RSPRY1: variants seen among roughly 807,000 people sequenced by gnomAD.
The protein encoded by RSPRY1 is RING finger and SPRY domain-containing protein 1.
Under a neutral mutation model 73.1 loss-of-function variants are expected in RSPRY1, and 23 were observed. The ratio of observed to expected loss-of-function variants is 0.31; its 90% CI spans 0.23 to 0.45. RSPRY1 has a LOEUF of 0.45. RSPRY1 is among the 20% of genes least tolerant of loss of function. RSPRY1 has a pLI of 1.00. For synonymous variants in RSPRY1, 226 were observed against 251.4 expected, an observed-to-expected ratio of 0.90 and a Z score of 0.95; for missense variants, 448 against 698.7, an observed-to-expected ratio of 0.64 and a Z score of 4.05.
At chr16:57,199,895 G>GTTTTTTTTTTTTT (rs61132783) in intron 1 of RSPRY1, among the ~76,000 whole-genome samples, 13 of 106,244 alleles carry the variant, frequency 1.2e-4, no homozygotes, top group South Asian at 6.0e-4. Flanking sequence ...TTTTTTGTTT[G>GTTTTTTTTTTTTT]TTTTTTTTTT....
intron 8 of RSPRY1, among the ~76,000 whole-genome samples, chr16:57,218,557 C>T (rs1186121103): frequency 6.6e-6 from 1 of 151,884 alleles, no homozygotes. Flanking sequence ...TTGTTTTTAG[C>T]TCCCACAAAA....
chr16:57,228,530 T>TA (rs1315069361), intron 11 of RSPRY1, among the ~76,000 whole-genome samples: 1 of 152,026 alleles, frequency 6.6e-6, no homozygotes, highest in Non-Finnish European at 1.5e-5. Context: ...ATGTTTATTA[T>TA]AAAAATTTGA....
At chr16:57,218,884 C>T (rs1390823006) in intron 8 of RSPRY1, among the ~76,000 whole-genome samples, 1 of 140,788 alleles carries the variant, frequency 7.1e-6, no homozygotes, top group South Asian at 2.5e-4. Context: ...TACAGGCGCC[C>T]GCCACTACGC....
Position 57,239,248 on chromosome 16 carries a change from A to G in RSPRY1, c.*273A>G, listed in dbSNP as rs139335192. 1.2e-4 allele frequency: 24 copies of G among 203,332 alleles called. No homozygotes were observed. Among genetic ancestry groups the G allele is most frequent in the East Asian group, 3.5e-4 (3 of 8,480 alleles). 12.6% of individuals were successfully genotyped at this position (203,332 alleles called of 1,614,324 possible). On this transcript the variant is annotated 3_prime_UTR_variant, in exon 15 of 15. Coordinates refer to ENST00000394420, the MANE Select transcript of RSPRY1 (RefSeq NM_133368.3). ...CTTCCATGAGAAACCATAGCAGACA[A>G]TGCCCTCCCAAGTACTGAAATCACA...
chr16:57,216,254 C>A, intron 7 of RSPRY1, 81 bp downstream of exon 7: 1 of 1,039,662 alleles, frequency 9.6e-7, no homozygotes, highest in Non-Finnish European at 1.5e-6. Flanking sequence ...CTGGATAAGC[C>A]TACACTTTGA....
At chr16:57,235,303 AT>A in intron 14 of RSPRY1, 75 bp downstream of exon 14, 1 of 1,065,070 alleles carries the variant, frequency 9.4e-7, no homozygotes, top group Non-Finnish European at 1.4e-6. Flanking sequence ...GTCAGGGTTT[AT>A]TGTATCTAAA....
chr16:57,202,936 T>C (rs1165588157), intron 1 of RSPRY1, among the ~76,000 whole-genome samples: 2 of 149,730 alleles, frequency 1.3e-5, no homozygotes, highest in African/African-American at 4.9e-5. Context: ...CATTTTTCTC[T>C]TTTTCTTCTA....
chr16:57,198,527 A>C (rs1272750048), intron 1 of RSPRY1, among the ~76,000 whole-genome samples: 1 of 152,188 alleles, frequency 6.6e-6, no homozygotes, highest in Non-Finnish European at 1.5e-5. Flanking sequence ...GGCACCCCCA[A>C]GATGTTTTCT....
chr16:57,228,807 C>A (rs2075162106), intron 11 of RSPRY1, among the ~76,000 whole-genome samples: 2 of 152,184 alleles, frequency 1.3e-5, no homozygotes, highest in Admixed American at 1.3e-4. Context: ...ATCCTCCCAC[C>A]TCAGCCTCTC....
At chr16:57,217,632 C>G (rs2074962631) in intron 8 of RSPRY1, among the ~76,000 whole-genome samples, 1 of 152,136 alleles carries the variant, frequency 6.6e-6, no homozygotes, top group Non-Finnish European at 1.5e-5. Flanking sequence ...TTGCAGATAC[C>G]AGGTTAAGCA....
chr16:57,234,886 T>C (rs994699510), intron 13 of RSPRY1, among the ~76,000 whole-genome samples: 1 of 152,236 alleles, frequency 6.6e-6, no homozygotes, highest in Admixed American at 6.5e-5. Context: ...CTGCATACCT[T>C]ATACAAGTCA....
Position 57,235,103 on chromosome 16 carries a change from CA to C in RSPRY1, c.1530-18del. On this transcript the variant is annotated intron_variant, in intron 13 of 14. Transcript: ENST00000394420. ...GGACCCCTGTTGACAAAATGTATTT[CA>C]AATTGCTTTTTCTACTCAGGCACAG... is the stretch of plus-strand genomic sequence containing the variant. 7 of 1,588,440 alleles carry C rather than the reference CA, an allele frequency of 4.4e-6. No individual in the cohort carries two copies. The highest frequency in any genetic ancestry group is 6.0e-6 in the Non-Finnish European group (7 of 1,157,254).
At chr16:57,233,690 T>G (rs1597933097) in intron 13 of RSPRY1, among the ~76,000 whole-genome samples, 3 of 152,274 alleles carry the variant, frequency 2.0e-5, no homozygotes, top group Admixed American at 2.0e-4. Flanking sequence ...TAATAACTCC[T>G]TTATCATCCC....
At chr16:57,189,057 G>A (rs1408220201) in intron 1 of RSPRY1, among the ~76,000 whole-genome samples, 3 of 144,762 alleles carry the variant, frequency 2.1e-5, no homozygotes, top group Non-Finnish European at 4.5e-5. Context: ...GCAATGGCGC[G>A]ATCTCAGCTC....
intron 10 of RSPRY1, among the ~76,000 whole-genome samples, chr16:57,221,862 T>C (rs2075042588): frequency 6.6e-6 from 1 of 152,238 alleles, no homozygotes; most frequent in Non-Finnish European, 1.5e-5. Flanking sequence ...TTAGTTGGCA[T>C]ATTTTTCTCA....
rs567237888 is a variant in RSPRY1, at chr16:57,228,865, G to T, written c.1273+1412G>T. 2.0e-5 allele frequency among the ~76,000 whole-genome samples: 3 copies of T among 152,138 alleles called. No homozygotes were observed. In the East Asian group the frequency reaches 5.8e-4, roughly 29 times the overall value. On this transcript the variant is annotated intron_variant, in intron 11 of 14. Coordinates refer to ENST00000394420, the MANE Select transcript of RSPRY1 (RefSeq NM_133368.3). ...ACACCACCACGCCCGGCTAATTTTT[G>T]TATTTTTTTGGTAGAGACAGGATTT...
chr16:57,200,470 C>T (rs1397105945), intron 1 of RSPRY1, among the ~76,000 whole-genome samples: 3 of 151,826 alleles, frequency 2.0e-5, no homozygotes, highest in Non-Finnish European at 4.4e-5. Context: ...CCTCACTTCC[C>T]AGTAGGGGCG....
At chr16:57,215,270 T>G (rs2074918846) in intron 6 of RSPRY1, among the ~76,000 whole-genome samples, 1 of 152,182 alleles carries the variant, frequency 6.6e-6, no homozygotes, top group Non-Finnish European at 1.5e-5. Flanking sequence ...GGACACAGAC[T>G]GAGTAGCCAG....
chr16:57,237,862 G>T (rs1373218244), intron 14 of RSPRY1, among the ~76,000 whole-genome samples: 1 of 152,004 alleles, frequency 6.6e-6, no homozygotes, highest in East Asian at 1.9e-4. Context: ...ACCAGTGCCC[G>T]CCACCATGCC....
Sources: gnomAD v4.1 joint callset for allele counts (sites outside exome capture counted in the v4.1 genomes callset) on GRCh38, gnomAD v4.1.1 for gene constraint, MANE v1.5 for transcripts, NCBI Gene and HGNC (gene_info 2026-07-23, HGNC 2026-07-21) for gene names.